The following KCNB2 variants were observed in gnomAD, a reference collection of about 807,000 sequenced individuals.
KCNB2 encodes the protein potassium voltage-gated channel subfamily B member 2, also known as delayed rectifier potassium channel protein.
A neutral mutation model predicts 61.5 loss-of-function variants in KCNB2; 15 were observed. The ratio of observed to expected loss-of-function variants is 0.24; its 90% CI spans 0.16 to 0.38. The LOEUF (loss-of-function observed/expected upper bound fraction) is 0.38. Ranked by LOEUF, KCNB2 falls within the 10% of genes least tolerant of loss-of-function variation. KCNB2 has a pLI of 1.00. For missense variants in KCNB2, 828 were observed against 1,125.2 expected (o/e 0.74, Z 3.78); for synonymous variants, 457 against 446.0 (o/e 1.02, Z -0.31).
chr8:72,925,885 T>C (rs958378599), intron 2 of KCNB2, among the ~76,000 whole-genome samples: 11 of 152,080 alleles, frequency 7.2e-5, no homozygotes, highest in African/African-American at 2.7e-4. Context: ...GAAAATGTGG[T>C]ACATATACAC....
intron 2 of KCNB2, among the ~76,000 whole-genome samples, chr8:72,848,364 ACT>A (rs1810036038): frequency 6.6e-6 from 1 of 150,816 alleles, no homozygotes; most frequent in Non-Finnish European, 1.5e-5. Context: ...TGTTTTTAAA[ACT>A]CTCTGGTGAA....
At chr8:72,912,333 G>A (rs1263275615) in intron 2 of KCNB2, among the ~76,000 whole-genome samples, 1 of 151,868 alleles carries the variant, frequency 6.6e-6, no homozygotes, top group African/African-American at 2.4e-5. Flanking sequence ...ACATGAGGTG[G>A]ATGAAATAAC....
At chr8:72,540,033 T>A (rs996068420) in intron 1 of KCNB2, among the ~76,000 whole-genome samples, 9 of 152,178 alleles carry the variant, frequency 5.9e-5, no homozygotes, top group African/African-American at 1.9e-4. Context: ...TGCCTGCATG[T>A]CTACAAATGT....
Position 72,590,421 on chromosome 8 carries a change from CA to C in KCNB2, c.579+22112del, listed in dbSNP as rs1488732379. 3.3e-5 allele frequency among the ~76,000 whole-genome samples: 5 copies of C among 152,126 alleles called. No individual in the cohort carries two copies. In the East Asian group the frequency reaches 7.7e-4, roughly 23 times the overall value. On this transcript the variant is annotated intron_variant, in intron 2 of 2. Coordinates refer to ENST00000523207, the MANE Select transcript of KCNB2 (RefSeq NM_004770.3). ...TCAAAAAGGAGCTAATACCATTGAGCAAAAGGGCAAAGTTACTTCTTTTAAA... is the reference window on the plus strand; with the variant it reads ...TCAAAAAGGAGCTAATACCATTGAGCAAAGGGCAAAGTTACTTCTTTTAAA...
chr8:72,720,158 A>G (rs541856457), intron 2 of KCNB2, among the ~76,000 whole-genome samples: 2 of 152,220 alleles, frequency 1.3e-5, no homozygotes, highest in African/African-American at 4.8e-5. Context: ...TAGCCACTGA[A>G]CTCCAAACAT....
At chr8:72,824,790 G>A (rs896441009) in intron 2 of KCNB2, among the ~76,000 whole-genome samples, 3 of 152,172 alleles carry the variant, frequency 2.0e-5, no homozygotes, top group Non-Finnish European at 4.4e-5. Context: ...TGGGAAGAGA[G>A]AGAGTGGATG....
chr8:72,925,248 C>A (rs370173897), intron 2 of KCNB2, among the ~76,000 whole-genome samples: 18 of 152,104 alleles, frequency 1.2e-4, no homozygotes, highest in Non-Finnish European at 1.9e-4. Flanking sequence ...GTCCAAGGAA[C>A]AAAGCCAGCT....
chr8:72,611,018 T>C (rs937083313), intron 2 of KCNB2, among the ~76,000 whole-genome samples: 11 of 152,104 alleles, frequency 7.2e-5, no homozygotes, highest in African/African-American at 2.4e-4. Flanking sequence ...CTGATGAAAA[T>C]AATGGGCTCA....
intron 2 of KCNB2, among the ~76,000 whole-genome samples, chr8:72,824,707 G>A (rs1003924972): frequency 2.6e-5 from 4 of 152,118 alleles, no homozygotes; most frequent in African/African-American, 7.2e-5. Flanking sequence ...CAGTTGCAGA[G>A]ACAAAGCTGA....
chr8:72,777,616 T>C (rs2128997626), intron 2 of KCNB2, among the ~76,000 whole-genome samples: 1 of 152,340 alleles, frequency 6.6e-6, no homozygotes, highest in South Asian at 2.1e-4. Flanking sequence ...GAATCCCAGA[T>C]GTTTACAAAG....
intron 2 of KCNB2, among the ~76,000 whole-genome samples, chr8:72,845,983 G>A (rs1485675053): frequency 3.0e-5 from 3 of 99,694 alleles, no homozygotes; most frequent in Non-Finnish European, 6.7e-5. Flanking sequence ...GCACCACTGG[G>A]GTATGAAAAA....
chr8:72,931,554 G>A (rs1192545246), intron 2 of KCNB2, among the ~76,000 whole-genome samples: 1 of 152,096 alleles, frequency 6.6e-6, no homozygotes, highest in East Asian at 1.9e-4. Flanking sequence ...TATTTTCTTT[G>A]AAGCAGTTGT....
rs555119789 is a variant in KCNB2 at position 72,927,501 on chromosome 8, C to T, written c.580-8434C>T. Among the ~76,000 whole-genome samples, 27 of 152,206 alleles carry T rather than the reference C, an allele frequency of 1.8e-4. No individual in the cohort carries two copies. In the South Asian group the frequency reaches 5.4e-3, roughly 30 times the overall value. ...GGTCAGGCTGGTCTTGAACTCCTGA[C>T]CACAGATGACCCACCGGACTTGGTC... On this transcript the variant is annotated intron_variant, in intron 2 of 2. Transcript: ENST00000523207.
chr8:72,556,896 C>T (rs1806437769), intron 1 of KCNB2, among the ~76,000 whole-genome samples: 1 of 152,112 alleles, frequency 6.6e-6, no homozygotes, highest in Non-Finnish European at 1.5e-5. Context: ...TCTCACAGTT[C>T]TGGAGGATAG....
intron 2 of KCNB2, among the ~76,000 whole-genome samples, chr8:72,712,757 C>T (rs1416352661): frequency 6.6e-6 from 1 of 152,196 alleles, no homozygotes; most frequent in Non-Finnish European, 1.5e-5. Context: ...CAGGTGATTT[C>T]TGCATTTCCA....
At chr8:72,663,749 AAACAGGAAAG>A (rs1159080374) in intron 2 of KCNB2, among the ~76,000 whole-genome samples, 2 of 152,212 alleles carry the variant, frequency 1.3e-5, no homozygotes, top group Non-Finnish European at 2.9e-5. Context: ...ATTGGTGTGG[AAACAGGAAAG>A]GTAGGACAAT....
chr8:72,545,181 C>T (rs929901463), intron 1 of KCNB2, among the ~76,000 whole-genome samples: 7 of 152,118 alleles, frequency 4.6e-5, no homozygotes, highest in Non-Finnish European at 7.4e-5. Flanking sequence ...GCTGAGTGCC[C>T]GCCACCATTT....
chr8:72,617,818 GTAA>G (rs1805645291), intron 2 of KCNB2, among the ~76,000 whole-genome samples: 1 of 152,138 alleles, frequency 6.6e-6, no homozygotes, highest in Admixed American at 6.5e-5. Context: ...CCGGCCCCAA[GTAA>G]TAAACAACTA....
At chr8:72,772,458 T>C (rs1167788605) in intron 2 of KCNB2, among the ~76,000 whole-genome samples, 1 of 152,150 alleles carries the variant, frequency 6.6e-6, no homozygotes, top group African/African-American at 2.4e-5. Context: ...AACCACTGGG[T>C]TAAGGGGGTA....
Sources: gnomAD v4.1 joint callset for allele counts (sites outside exome capture counted in the v4.1 genomes callset) on GRCh38, gnomAD v4.1.1 for gene constraint, MANE v1.5 for transcripts, NCBI Gene and HGNC (gene_info 2026-07-23, HGNC 2026-07-21) for gene names.